Variants in ACSS1 observed in about 807,000 individuals in gnomAD.
ACSS1 encodes the protein acetyl-coenzyme A synthetase 2-like, mitochondrial.
A neutral mutation model predicts 75.3 loss-of-function variants in ACSS1; 42 were observed. The ratio of observed to expected loss-of-function variants is 0.56; its 90% CI spans 0.44 to 0.72. The LOEUF is 0.72. Among genes scored for constraint, ACSS1 ranks in the 30% least tolerant of loss-of-function variants. ACSS1 has a pLI of 0.00. For synonymous variants in ACSS1, 380 were observed against 376.8 expected, an observed-to-expected ratio of 1.01 and a Z score of -0.10; for missense variants, 782 against 935.7, an observed-to-expected ratio of 0.84 and a Z score of 2.14.
chr20:25,041,719 G>C (rs2089008053), intron 2 of ACSS1, among the ~76,000 whole-genome samples: 1 of 118,986 alleles, frequency 8.4e-6, no homozygotes, highest in South Asian at 2.6e-4. Context: ...TTTCTAATGT[G>C]AAGATAGAAG....
intron 2 of ACSS1, among the ~76,000 whole-genome samples, chr20:25,039,291 G>A (rs1320561369): frequency 6.6e-6 from 1 of 152,202 alleles, no homozygotes; most frequent in Non-Finnish European, 1.5e-5. Flanking sequence ...CAGGGGCCTT[G>A]CTGTCAGCCA....
At position 25,058,078 on chromosome 20, in the gene ACSS1, C is replaced by A; in HGVS notation, c.25G>T (p.Gly9Cys). Residue 9 changes from glycine to cysteine, a missense_variant, in exon 1 of 14, where the codon GGC becomes TGC. By Grantham distance (159) the Gly-to-Cys change is radical (BLOSUM62 -3). Around this residue, in one of 2 missense-constraint regions of ACSS1, gnomAD observed 377 missense variants for 383.1 expected, o/e 0.98. Transcript: ENST00000323482. ...AGGCTGCCCAGCAGCCTCCCGACGC[C>A]GCGGCCCAGGGTGCGCGCCGCCATC... MAARTLGR[G>C]VGRLLGSLRG... is the part of the protein sequence containing the mutation. 6 of 1,264,706 alleles carry A rather than the reference C, an allele frequency of 4.7e-6. No homozygotes were observed. In the South Asian group the frequency reaches 1.2e-4, roughly 24 times the overall value. The allele number at this position is 1,264,706 out of a possible 1,614,324, so 78.3% of individuals were successfully genotyped here. A position where few individuals can be genotyped will look rare whatever the true frequency, so the allele number is the denominator to read the frequency against.
intron 5 of ACSS1, 35 bp from the exon 6 acceptor site, chr20:25,021,571 C>T (rs745599522): frequency 6.9e-6 from 11 of 1,604,832 alleles, no homozygotes; most frequent in Non-Finnish European, 9.4e-6. Flanking sequence ...AGGAGCTTGT[C>T]CCCCCACTCC....
At position 25,007,131 on chromosome 20, in the gene ACSS1, A is replaced by G; in HGVS notation, c.*631T>C. ...CCGGAGGCTTGGAAGTTCTCAAGGGAACTGTTTAGACAGAGGTACAAACAT... is the reference window on the plus strand; with the variant it reads ...CCGGAGGCTTGGAAGTTCTCAAGGGGACTGTTTAGACAGAGGTACAAACAT... On this transcript the variant is annotated 3_prime_UTR_variant, in exon 14 of 14. Coordinates refer to ENST00000323482, the MANE Select transcript of ACSS1 (RefSeq NM_032501.4). 1 of 1,392,520 alleles carries G rather than the reference A, an allele frequency of 7.2e-7. No homozygotes were observed. Among genetic ancestry groups the G allele is most frequent in the South Asian group, 1.6e-5 (1 of 60,858 alleles). The allele number at this position is 1,392,520 out of a possible 1,614,324, so 86.3% of individuals were successfully genotyped here.
chr20:25,012,564 C>A, intron 12 of ACSS1, 37 bp downstream of exon 12: 1 of 1,612,862 alleles, frequency 6.2e-7, no homozygotes, highest in South Asian at 1.1e-5. Context: ...GGTGTGGGGT[C>A]AGGAATCAGG....
At chr20:25,052,970 A>G (rs2089194803) in intron 1 of ACSS1, among the ~76,000 whole-genome samples, 1 of 152,188 alleles carries the variant, frequency 6.6e-6, no homozygotes, top group African/African-American at 2.4e-5. Flanking sequence ...GCTTATTTAA[A>G]TACATCCCTC....
At chr20:25,037,632 G>A (rs770944338) in intron 2 of ACSS1, among the ~76,000 whole-genome samples, 4 of 152,214 alleles carry the variant, frequency 2.6e-5, no homozygotes, top group Non-Finnish European at 5.9e-5. Flanking sequence ...TTCCTATGCT[G>A]TCTCTAGAAT....
At chr20:25,026,233 T>A (rs2088715171) in intron 3 of ACSS1, among the ~76,000 whole-genome samples, 1 of 152,288 alleles carries the variant, frequency 6.6e-6, no homozygotes, top group South Asian at 2.1e-4. Flanking sequence ...CACCTCCCAG[T>A]GGCCAACTGA....
chr20:25,039,285 G>A lies in ACSS1; in HGVS notation c.432-8327C>T, dbSNP rs73346971. On this transcript the variant is annotated intron_variant, in intron 2 of 13. Transcript: ENST00000323482. ...ATTCAAACCCAGGCCCAGCTCCAGG[G>A]GCCTTGCTGTCAGCCAGCTCCTCAG... 2.0e-3 allele frequency among the ~76,000 whole-genome samples: 311 copies of A among 152,278 alleles called. 1 individual carries two copies. Among genetic ancestry groups the A allele is most frequent in the African/African-American group, 7.4e-3 (309 of 41,546 alleles).
At chr20:25,022,284 C>A (rs955932919) in intron 5 of ACSS1, among the ~76,000 whole-genome samples, 18 of 151,992 alleles carry the variant, frequency 1.2e-4, no homozygotes, top group East Asian at 1.9e-4. Context: ...TCACTTGAAC[C>A]CAGGAGGCAA....
intron 1 of ACSS1, among the ~76,000 whole-genome samples, chr20:25,051,902 C>T (rs56273742): frequency 0.068 from 10,406 of 152,220 alleles, 1,212 homozygotes; most frequent in African/African-American, 0.24. Flanking sequence ...ACTGGAAGGA[C>T]TAGGTGCCAT....
At chr20:25,029,704 G>A (rs2088788795) in intron 3 of ACSS1, among the ~76,000 whole-genome samples, 1 of 152,184 alleles carries the variant, frequency 6.6e-6, no homozygotes, top group African/African-American at 2.4e-5. Flanking sequence ...TGCTTAATGG[G>A]TGTAAAGTGT....
At chr20:25,032,884 G>A (rs568201876) in intron 2 of ACSS1, among the ~76,000 whole-genome samples, 2 of 152,376 alleles carry the variant, frequency 1.3e-5, no homozygotes, top group East Asian at 3.9e-4. Context: ...CCCGCAGCCA[G>A]CACGCCTGCC....
intron 12 of ACSS1, chr20:25,012,350 A>G (rs2088424365): frequency 7.2e-6 from 4 of 553,916 alleles, no homozygotes; most frequent in East Asian, 3.1e-5. Flanking sequence ...GCCAAGCCCA[A>G]CTGGGTCATG....
chr20:25,057,682 C>T (rs1600358564), intron 1 of ACSS1, 87 bp downstream of exon 1: 4 of 1,367,010 alleles, frequency 2.9e-6, no homozygotes, highest in South Asian at 1.4e-5. Context: ...CCGCGCTGCC[C>T]GGGGACGGCT....
intron 7 of ACSS1, among the ~76,000 whole-genome samples, chr20:25,017,313 G>A (rs147996678): frequency 1.3e-5 from 2 of 152,334 alleles, no homozygotes; most frequent in East Asian, 1.9e-4. Flanking sequence ...ACGACTCAAC[G>A]GATTAAATGT....
intron 7 of ACSS1, among the ~76,000 whole-genome samples, chr20:25,017,900 G>T (rs1202025857): frequency 6.6e-6 from 1 of 152,212 alleles, no homozygotes; most frequent in African/African-American, 2.4e-5. Context: ...CCACTCAGGT[G>T]GCCCTGCTGA....
chr20:25,015,029 G>C (rs1313212998), intron 8 of ACSS1, 109 bp downstream of exon 8: 1 of 920,314 alleles, frequency 1.1e-6, no homozygotes, highest in African/African-American at 1.7e-5. Context: ...GGGCGTTGAA[G>C]CGTCTTCTAT....
chr20:25,017,214 T>C (rs1183862764), intron 7 of ACSS1, among the ~76,000 whole-genome samples: 2 of 152,230 alleles, frequency 1.3e-5, no homozygotes, highest in South Asian at 2.1e-4. Flanking sequence ...CACAAGAGTG[T>C]ATCCATGTAT....
Sources: gnomAD v4.1 joint callset for allele counts (sites outside exome capture counted in the v4.1 genomes callset) on GRCh38, gnomAD v4.1.1 for gene constraint, gnomAD v4.1.1 regional missense constraint, MANE v1.5 for transcripts, NCBI Gene and HGNC (gene_info 2026-07-23, HGNC 2026-07-21) for gene names.